Variants in ATP9B observed in about 807,000 individuals in gnomAD.
The protein encoded by ATP9B is ATPase phospholipid transporting 9B.
A neutral mutation model predicts 146.1 loss-of-function variants in ATP9B; 110 were observed. The ratio of observed to expected loss-of-function variants is 0.75; its 90% CI spans 0.65 to 0.88. ATP9B has a LOEUF of 0.88. Among genes scored for constraint, ATP9B ranks in the 40% least tolerant of loss-of-function variants. ATP9B has a pLI of 0.00. For synonymous variants in ATP9B, 604 were observed against 569.7 expected, an observed-to-expected ratio of 1.06 and a Z score of -0.86; for missense variants, 1,499 against 1,496.4, an observed-to-expected ratio of 1.00 and a Z score of -0.03.
chr18:79,190,154 C>T (rs1261920674), intron 8 of ATP9B, among the ~76,000 whole-genome samples: 2 of 152,110 alleles, frequency 1.3e-5, no homozygotes, highest in Non-Finnish European at 2.9e-5. Flanking sequence ...GCAAGTCACT[C>T]GGCTGCAGAT....
chr18:79,249,750 G>T (rs548594471), intron 11 of ATP9B, among the ~76,000 whole-genome samples: 114 of 152,268 alleles, frequency 7.5e-4, no homozygotes, highest in African/African-American at 2.3e-3. Context: ...ATGTTTCAGA[G>T]AAATTGAATA....
chr18:79,183,441 T>C (rs1008912169), intron 8 of ATP9B, among the ~76,000 whole-genome samples: 2 of 140,444 alleles, frequency 1.4e-5, no homozygotes, highest in Non-Finnish European at 3.0e-5. Flanking sequence ...TGTTTAGTTT[T>C]TTAATGTGTG....
intron 1 of ATP9B, among the ~76,000 whole-genome samples, chr18:79,076,586 T>A (rs1202047181): frequency 2.0e-5 from 3 of 151,696 alleles, no homozygotes; most frequent in African/African-American, 4.9e-5. Context: ...GCATTTTTTT[T>A]AAGTCTTTAG....
At chr18:79,326,634 A>T (rs551201718) in intron 15 of ATP9B, among the ~76,000 whole-genome samples, 3 of 152,276 alleles carry the variant, frequency 2.0e-5, no homozygotes, top group Admixed American at 6.5e-5. Flanking sequence ...CTCCGTCCCC[A>T]CACAGTGCCC....
intron 26 of ATP9B, among the ~76,000 whole-genome samples, chr18:79,370,517 A>G (rs886311492): frequency 6.6e-6 from 1 of 152,200 alleles, no homozygotes; most frequent in Non-Finnish European, 1.5e-5. Flanking sequence ...CATGAAACCC[A>G]TAGTGAATGA....
At chr18:79,232,531 T>TA (rs1346381034) in intron 11 of ATP9B, among the ~76,000 whole-genome samples, 1 of 152,208 alleles carries the variant, frequency 6.6e-6, no homozygotes, top group East Asian at 1.9e-4. Flanking sequence ...TAAAGGCTTG[T>TA]TTACTTCAGC....
chr18:79,359,513 C>T (rs867548986), intron 26 of ATP9B, 51 bp downstream of exon 26: 5 of 1,385,428 alleles, frequency 3.6e-6, no homozygotes, highest in Non-Finnish European at 4.1e-6. Context: ...CCACATCTAG[C>T]ATTTTACACG....
chr18:79,114,707 T>C (rs888133419), intron 4 of ATP9B, among the ~76,000 whole-genome samples: 1 of 152,158 alleles, frequency 6.6e-6, no homozygotes, highest in Admixed American at 6.5e-5. Flanking sequence ...ATTAGTAAGA[T>C]TGAAAGAGAC....
intron 25 of ATP9B, among the ~76,000 whole-genome samples, chr18:79,356,478 A>G (rs1216485783): frequency 6.6e-6 from 1 of 152,230 alleles, no homozygotes; most frequent in Non-Finnish European, 1.5e-5. Flanking sequence ...ACTAGGACCA[A>G]CCCAGATGTA....
intron 7 of ATP9B, among the ~76,000 whole-genome samples, chr18:79,160,431 C>G (rs1039025788): frequency 3.9e-5 from 6 of 152,190 alleles, no homozygotes; most frequent in Non-Finnish European, 8.8e-5. Context: ...TTTATTTGTC[C>G]TGTTTTACAA....
chr18:79,114,271 T>A (rs547197147), intron 4 of ATP9B, among the ~76,000 whole-genome samples: 1 of 152,320 alleles, frequency 6.6e-6, no homozygotes, highest in African/African-American at 2.4e-5. Context: ...CTACTTCCTT[T>A]TTTTTGATTT....
At chr18:79,157,453 C>G (rs557800259) in intron 7 of ATP9B, among the ~76,000 whole-genome samples, 122 of 129,692 alleles carry the variant, frequency 9.4e-4, no homozygotes, top group Non-Finnish European at 1.6e-3. Flanking sequence ...TTTGGTTTTG[C>G]TTTTTCTTGT....
intron 17 of ATP9B, among the ~76,000 whole-genome samples, chr18:79,334,944 G>T (rs1038097657): frequency 2.0e-5 from 3 of 151,972 alleles, no homozygotes; most frequent in Admixed American, 6.6e-5. Context: ...AGAGCGGGGT[G>T]GGTTTGTTTC....
At chr18:79,306,931 A>G (rs1175899816) in intron 14 of ATP9B, 55 bp from the exon 15 acceptor site, 1 of 1,582,472 alleles carries the variant, frequency 6.3e-7, no homozygotes, top group Non-Finnish European at 8.6e-7. Context: ...TTCCATGTTA[A>G]CTAGATAGTT....
intron 13 of ATP9B, among the ~76,000 whole-genome samples, chr18:79,297,304 G>A (rs1356779754): frequency 2.0e-5 from 3 of 150,782 alleles, no homozygotes; most frequent in Non-Finnish European, 4.4e-5. Context: ...AGACGACCCA[G>A]AGAGGAGAAA....
chr18:79,347,749 C>T (rs574524813), intron 23 of ATP9B, 21 bp from the exon 24 acceptor site: 4 of 1,517,560 alleles, frequency 2.6e-6, no homozygotes, highest in Non-Finnish European at 3.5e-6. Flanking sequence ...TTTGAAAAGG[C>T]CCCGTGTGCT....
chr18:79,239,772 T>A lies in ATP9B; in HGVS notation c.1108-13609T>A, dbSNP rs2095872048. Among the ~76,000 whole-genome samples the A allele has an allele frequency of 6.6e-6, 1 of 152,182 alleles. No individual in the cohort carries two copies. The highest frequency in any genetic ancestry group is 2.1e-4 in the South Asian group (1 of 4,828). The stretch of plus-strand genomic sequence containing the variant: ...GTAATGTGTTTTCTCACCTTGCTGT[T>A]TTCTCGAGAGCATTGTTTTGTGAGG... On this transcript the variant is annotated intron_variant, in intron 11 of 29. Transcript: ENST00000426216. The surrounding 1 kb of genome is among the most constrained non-coding windows in gnomAD (Gnocchi z 5.1).
intron 28 of ATP9B, among the ~76,000 whole-genome samples, chr18:79,374,697 T>A (rs2097093464): frequency 6.6e-6 from 1 of 152,266 alleles, no homozygotes; most frequent in Non-Finnish European, 1.5e-5. Flanking sequence ...AACCTGTACG[T>A]AGGAAAATGT....
chr18:79,104,082 AC>A (rs1333002548), intron 2 of ATP9B, among the ~76,000 whole-genome samples: 1 of 152,012 alleles, frequency 6.6e-6, no homozygotes, highest in Non-Finnish European at 1.5e-5. Flanking sequence ...TCCTTTTTGC[AC>A]CCTGGACTGG....
Sources: allele counts gnomAD v4.1 joint callset (sites outside exome capture counted in the v4.1 genomes callset), GRCh38; gene constraint gnomAD v4.1.1; non-coding constraint Gnocchi (gnomAD v3.1); transcripts MANE v1.5; gene names NCBI Gene and HGNC (gene_info 2026-07-23, HGNC 2026-07-21).